Variants in SNX30 observed in about 807,000 individuals in gnomAD.
SNX30 encodes the protein sorting nexin-30.
A neutral mutation model predicts 46.4 loss-of-function variants in SNX30; 24 were observed. That is an observed-to-expected ratio of 0.52 (90% CI 0.37 to 0.73). The LOEUF is 0.73. SNX30 is among the 30% of genes least tolerant of loss of function. The probability of loss-of-function intolerance (pLI) is 0.00; values close to 1 mark genes in which losing one functional copy is unlikely to be tolerated. For missense variants in SNX30, 533 were observed against 555.7 expected (o/e 0.96, Z 0.41); for synonymous variants, 189 against 211.5 (o/e 0.89, Z 0.92).
At chr9:112,865,649 AT>A (rs1564297150) in intron 8 of SNX30, among the ~76,000 whole-genome samples, 1 of 86,054 alleles carries the variant, frequency 1.2e-5, no homozygotes, top group African/African-American at 3.7e-5. Flanking sequence ...ATATATATAT[AT>A]ATATATATAT....
intron 8 of SNX30, chr9:112,866,408 C>T (rs1232733555): frequency 2.1e-6 from 1 of 469,908 alleles, no homozygotes; most frequent in African/African-American, 2.0e-5. Flanking sequence ...GTCCCTGGGG[C>T]AGGAAAGAGT....
intron 7 of SNX30, among the ~76,000 whole-genome samples, chr9:112,852,253 T>TAA (rs36011220): frequency 5.8e-4 from 87 of 149,230 alleles, no homozygotes; most frequent in African/African-American, 1.7e-3. Flanking sequence ...GACCCTATCT[T>TAA]AAAAAAAAAA....
chr9:112,765,619 A>G (rs1376209869), intron 1 of SNX30, among the ~76,000 whole-genome samples: 1 of 152,186 alleles, frequency 6.6e-6, no homozygotes, highest in African/African-American at 2.4e-5. Context: ...TGTATGTATC[A>G]GTACTTCATT....
At chr9:112,876,115 A>G (rs1350516317), downstream of SNX30, among the ~76,000 whole-genome samples, 1 of 152,166 alleles carries the variant, frequency 6.6e-6, no homozygotes, top group Admixed American at 6.6e-5. Flanking sequence ...GGTGATGGAA[A>G]TAAAATACTG....
chr9:112,782,781 G>T (rs913269161), intron 1 of SNX30, among the ~76,000 whole-genome samples: 5 of 152,236 alleles, frequency 3.3e-5, no homozygotes, highest in African/African-American at 1.2e-4. Context: ...CTGGAGATGA[G>T]ATTCCCCTTA....
chr9:112,833,411 C>T (rs1840700243), intron 4 of SNX30, among the ~76,000 whole-genome samples: 2 of 152,168 alleles, frequency 1.3e-5, no homozygotes, highest in Non-Finnish European at 1.5e-5. Flanking sequence ...TAACACCCAG[C>T]GCTTTGGGAG....
At position 112,869,911 on chromosome 9, in the gene SNX30, A is replaced by C. The variant is rs189848754; in HGVS notation, c.*1068A>C. On this transcript the variant is annotated 3_prime_UTR_variant, in exon 9 of 9. Transcript: ENST00000374232. ...GTTATGATACAGTCGAAATTTGTCA[A>C]TGCAGTGTGAATGTTCTACATAAAG... 1 of 152,182 alleles carries C rather than the reference A, an allele frequency of 6.6e-6. No homozygotes were observed. Among genetic ancestry groups the C allele is most frequent in the African/African-American group, 2.4e-5 (1 of 41,428 alleles). 9.4% of individuals were successfully genotyped at this position (152,182 alleles called of 1,614,324 possible).
Position 112,872,547 on chromosome 9 carries a change from C to T in SNX30, c.*3704C>T, listed in dbSNP as rs1212150788. On this transcript the variant is annotated 3_prime_UTR_variant, in exon 9 of 9. Coordinates refer to ENST00000374232, the MANE Select transcript of SNX30 (RefSeq NM_001012994.2). Reference sequence around the variant, plus strand: ...GGGTGGGTTAGAACTGGGTTCCAGTCTGGCCAGATGGGTTGCTGGCTGCAC... The same window carrying T: ...GGGTGGGTTAGAACTGGGTTCCAGTTTGGCCAGATGGGTTGCTGGCTGCAC... 1 of 152,526 alleles carries T rather than the reference C, an allele frequency of 6.6e-6. No homozygotes were observed. The highest frequency in any genetic ancestry group is 1.9e-4 in the East Asian group (1 of 5,182). The allele number at this position is 152,526 out of a possible 1,614,324, so 9.4% of individuals were successfully genotyped here.
intron 1 of SNX30, among the ~76,000 whole-genome samples, chr9:112,769,557 G>C (rs1839611488): frequency 6.6e-6 from 1 of 152,190 alleles, no homozygotes; most frequent in African/African-American, 2.4e-5. Flanking sequence ...ATCTTCACTT[G>C]GCTTCTGGGA....
chr9:112,838,849 A>G (rs10981520), intron 6 of SNX30, 152 bp downstream of exon 6: 20,207 of 657,994 alleles, frequency 0.031, 1,134 homozygotes, highest in African/African-American at 0.16. Flanking sequence ...ATGGACATAT[A>G]AATGGAACAC....
At chr9:112,778,709 A>G (rs1260381664) in intron 1 of SNX30, among the ~76,000 whole-genome samples, 1 of 152,192 alleles carries the variant, frequency 6.6e-6, no homozygotes, top group Non-Finnish European at 1.5e-5. Flanking sequence ...TATAGTTAGG[A>G]CCTTCCTTTG....
In SNX30 at chr9:112,847,023, A is replaced by G. The variant is rs1323353113; in HGVS notation, c.1015-3836A>G. Among the ~76,000 whole-genome samples the G allele has an allele frequency of 2.6e-5, 4 of 152,154 alleles. No homozygotes were observed. The South Asian group carries it at 8.3e-4, about 31-fold the overall frequency. Reference sequence around the variant, plus strand: ...CAGTGCAGATGTTGAAAGCCAAACCACAGGATGCATCTGTCATCCAACTCT... The same window carrying G: ...CAGTGCAGATGTTGAAAGCCAAACCGCAGGATGCATCTGTCATCCAACTCT... On this transcript the variant is annotated intron_variant, in intron 6 of 8. Coordinates refer to ENST00000374232, the MANE Select transcript of SNX30 (RefSeq NM_001012994.2).
At chr9:112,823,907 A>G (rs1539338) in intron 3 of SNX30, among the ~76,000 whole-genome samples, 142,652 of 152,270 alleles carry the variant, frequency 0.94, 66,900 homozygotes, top group East Asian at 1. Context: ...TAATCTCTGC[A>G]CTTGGTGACA....
chr9:112,819,424 G>T (rs1840457713), intron 3 of SNX30, among the ~76,000 whole-genome samples: 1 of 151,912 alleles, frequency 6.6e-6, no homozygotes. Context: ...ACACCACCAT[G>T]CCCAGCTAAT....
At chr9:112,852,961 T>G (rs10733596) in intron 7 of SNX30, among the ~76,000 whole-genome samples, 121,424 of 151,920 alleles carry the variant, frequency 0.8, 48,710 homozygotes, top group South Asian at 0.87. Flanking sequence ...CCTTGGCTTT[T>G]TGTAGTGTCC....
chr9:112,865,659 A>ATATATG (rs1554757338), intron 8 of SNX30, among the ~76,000 whole-genome samples: 16 of 79,692 alleles, frequency 2.0e-4, no homozygotes, highest in African/African-American at 4.8e-4. Flanking sequence ...ATATATATAT[A>ATATATG]TATGTATGTA....
At chr9:112,775,560 G>A (rs966096950) in intron 1 of SNX30, among the ~76,000 whole-genome samples, 2 of 150,218 alleles carry the variant, frequency 1.3e-5, no homozygotes, top group Non-Finnish European at 3.0e-5. Context: ...GTGTGTGTGT[G>A]TGTGTGTGTG....
chr9:112,843,317 A>C (rs1451912620), intron 6 of SNX30, among the ~76,000 whole-genome samples: 1 of 152,118 alleles, frequency 6.6e-6, no homozygotes, highest in Admixed American at 6.6e-5. Flanking sequence ...GTCAATACGC[A>C]TGCTTATCTC....
intron 1 of SNX30, among the ~76,000 whole-genome samples, chr9:112,789,142 C>T (rs1463241233): frequency 6.6e-6 from 1 of 152,110 alleles, no homozygotes; most frequent in Non-Finnish European, 1.5e-5. Flanking sequence ...TGTTCGTGCC[C>T]TCTGGAAAGG....
Sources: gnomAD v4.1 joint callset for allele counts (sites outside exome capture counted in the v4.1 genomes callset) on GRCh38, gnomAD v4.1.1 for gene constraint, MANE v1.5 for transcripts, NCBI Gene and HGNC (gene_info 2026-07-23, HGNC 2026-07-21) for gene names.